Variants in KRCC1 observed in about 807,000 individuals in gnomAD.
KRCC1 encodes lysine rich coiled-coil 1.
A neutral mutation model predicts 7.4 loss-of-function variants in KRCC1; 3 were observed. The ratio of observed to expected loss-of-function variants is 0.40; its 90% CI spans 0.18 to 1.04. The LOEUF (loss-of-function observed/expected upper bound fraction) is 1.04. KRCC1 is among the 50% of genes least tolerant of loss of function. KRCC1 has a pLI of 0.33. For synonymous variants in KRCC1, 102 were observed against 101.6 expected (o/e 1.00, Z -0.02); for missense variants, 277 against 300.9 (o/e 0.92, Z 0.59).
At chr2:88,037,996 T>G (rs1673127261) in intron 1 of KRCC1, among the ~76,000 whole-genome samples, 1 of 152,210 alleles carries the variant, frequency 6.6e-6, no homozygotes, top group Admixed American at 6.5e-5. Context: ...TCATGTAACA[T>G]CAAAATTGTA....
intron 2 of KRCC1, among the ~76,000 whole-genome samples, chr2:88,034,702 A>G (rs921945987): frequency 1.3e-5 from 2 of 152,164 alleles, no homozygotes; most frequent in African/African-American, 2.4e-5. Context: ...TTGAATATAC[A>G]TGAACTATAG....
chr2:88,052,100 G>A (rs1223810740), intron 1 of KRCC1, among the ~76,000 whole-genome samples: 1 of 152,228 alleles, frequency 6.6e-6, no homozygotes, highest in Non-Finnish European at 1.5e-5. Context: ...CCCAATTGCA[G>A]GATAGCTGCA....
chr2:88,054,863 G>A (rs906128676), intron 1 of KRCC1, among the ~76,000 whole-genome samples: 2 of 152,200 alleles, frequency 1.3e-5, no homozygotes, highest in South Asian at 4.1e-4. Flanking sequence ...CAGCTACTCC[G>A]GAGGCTGAGG....
At chr2:88,041,354 G>T (rs966882885) in intron 1 of KRCC1, among the ~76,000 whole-genome samples, 1 of 152,160 alleles carries the variant, frequency 6.6e-6, no homozygotes, top group African/African-American at 2.4e-5. Flanking sequence ...TCCCCCAGAA[G>T]GAGAGAAGTA....
At chr2:88,037,729 G>A (rs963265110) in intron 1 of KRCC1, among the ~76,000 whole-genome samples, 2 of 152,120 alleles carry the variant, frequency 1.3e-5, no homozygotes, top group Non-Finnish European at 2.9e-5. Context: ...CTTAACCTGT[G>A]GTAGGCAACC....
chr2:88,049,812 A>G lies in KRCC1; in HGVS notation c.-291+5814T>C, dbSNP rs78102353. On this transcript the variant is annotated intron_variant, in intron 1 of 3. Transcript: ENST00000347055. ...GCAAGTCTGAAACTAACAAATAATCATTAATGTTTCTCCAGACACACTCTA... is the reference window on the plus strand; with the variant it reads ...GCAAGTCTGAAACTAACAAATAATCGTTAATGTTTCTCCAGACACACTCTA... Among the ~76,000 whole-genome samples, 1,523 of 152,360 alleles carry G rather than the reference A, an allele frequency of 1.0e-2. 43 individuals are homozygous for G. In the East Asian group the frequency reaches 0.11, roughly 11 times the overall value.
intron 1 of KRCC1, among the ~76,000 whole-genome samples, chr2:88,040,950 T>C (rs1385523065): frequency 6.6e-6 from 1 of 152,224 alleles, no homozygotes; most frequent in Non-Finnish European, 1.5e-5. Flanking sequence ...AAGGCATTTC[T>C]GCTTTAGATA....
chr2:88,045,594 A>T (rs572716843), intron 1 of KRCC1, among the ~76,000 whole-genome samples: 3 of 149,610 alleles, frequency 2.0e-5, no homozygotes, highest in African/African-American at 7.5e-5. Context: ...GTAAAGGGGC[A>T]TAAGTACTTT....
chr2:88,051,287 C>T (rs1673478450), intron 1 of KRCC1, among the ~76,000 whole-genome samples: 1 of 152,138 alleles, frequency 6.6e-6, no homozygotes, highest in African/African-American at 2.4e-5. Context: ...AGAGGAGTTC[C>T]TCAGAAGGAT....
At chr2:88,049,551 GGTGGGAGAATCAC>G (rs1171157643) in intron 1 of KRCC1, among the ~76,000 whole-genome samples, 1 of 152,220 alleles carries the variant, frequency 6.6e-6, no homozygotes, top group Non-Finnish European at 1.5e-5. Flanking sequence ...AGGAGGCTGA[GGTGGGAGAATCAC>G]CTGAGCCTGG....
In KRCC1 at chr2:88,028,149, G is replaced by A; in HGVS notation, c.415C>T (p.His139Tyr). ...SHGVEHRVYK[H>Y]FSSDNSTSTH... ...CTGGTACTGTTATCTGAGGAGAAGT[G>A]CTTGTAAACTCTATGTTCTACACCA... Residue 139 changes from histidine to tyrosine, a missense_variant, in exon 4 of 4, where the codon CAC (histidine) becomes TAC (tyrosine). His to Tyr is a moderately conservative substitution (Grantham distance 83). Coordinates refer to ENST00000347055, the MANE Select transcript of KRCC1 (RefSeq NM_016618.3). The A allele has an allele frequency of 1.2e-6, 2 of 1,614,050 alleles. No homozygotes were observed. The highest frequency in any genetic ancestry group is 4.5e-5 in the East Asian group (2 of 44,868).
chr2:88,053,338 T>G (rs1388025801), intron 1 of KRCC1, among the ~76,000 whole-genome samples: 1 of 152,266 alleles, frequency 6.6e-6, no homozygotes, highest in Non-Finnish European at 1.5e-5. Context: ...CTGTGTGAAC[T>G]GACATCTTTT....
chr2:88,040,088 G>A (rs942640236), intron 1 of KRCC1, among the ~76,000 whole-genome samples: 1 of 151,288 alleles, frequency 6.6e-6, no homozygotes, highest in Non-Finnish European at 1.5e-5. Flanking sequence ...CTGAGGACTA[G>A]TTATTTAGAA....
intron 1 of KRCC1, among the ~76,000 whole-genome samples, chr2:88,048,141 G>A (rs1482744955): frequency 6.6e-6 from 1 of 151,018 alleles, no homozygotes; most frequent in Admixed American, 6.6e-5. Flanking sequence ...GGGGTGCAGT[G>A]GTGGGATCTC....
intron 1 of KRCC1, among the ~76,000 whole-genome samples, chr2:88,044,447 GATAA>G (rs1358912113): frequency 5.9e-5 from 9 of 151,876 alleles, no homozygotes; most frequent in Non-Finnish European, 1.3e-4. Flanking sequence ...CAGAATATAG[GATAA>G]ATATTCTCAA....
At chr2:88,028,642 C>CTTTTTTTTTTTT (rs1419047999) in intron 3 of KRCC1, 57 bp from the exon 4 acceptor site, 1 of 676,798 alleles carries the variant, frequency 1.5e-6, no homozygotes, top group Admixed American at 4.6e-5. Context: ...ATTTCCTTTG[C>CTTTTTTTTTTTT]TCTTTTTTTT....
intron 1 of KRCC1, among the ~76,000 whole-genome samples, chr2:88,039,460 G>A (rs1395831758): frequency 2.0e-5 from 3 of 152,116 alleles, no homozygotes; most frequent in Non-Finnish European, 4.4e-5. Flanking sequence ...GCAGAGGCGG[G>A]CGGATTACTT....
Position 88,027,870 on chromosome 2 carries a change from G to C in KRCC1, c.694C>G (p.Arg232Gly). ...TCCTTTTTCTTTTTTGTACGCTTAC[G>C]TTCCTCTTTCTTAGAGACTACATCT... Reference protein sequence around the residue: ...SRDVVSKKEERKRTKKKKEQG... With the variant: ...SRDVVSKKEEGKRTKKKKEQG... Residue 232 changes from arginine (R) to glycine (G), a missense_variant, in exon 4 of 4, where the codon CGT (arginine) becomes GGT (glycine). Transcript: ENST00000347055. 6.2e-7 allele frequency: 1 copy of C among 1,613,230 alleles called. No homozygotes were observed. The highest frequency in any genetic ancestry group is 8.5e-7 in the Non-Finnish European group (1 of 1,179,870).
intron 1 of KRCC1, among the ~76,000 whole-genome samples, chr2:88,047,945 CCTCT>C (rs899726172): frequency 1.2e-4 from 19 of 152,292 alleles, no homozygotes; most frequent in African/African-American, 4.3e-4. Flanking sequence ...CTTACTTCTT[CCTCT>C]CTAATAAATA....
Sources: gnomAD v4.1 joint callset for allele counts (sites outside exome capture counted in the v4.1 genomes callset) on GRCh38, gnomAD v4.1.1 for gene constraint, MANE v1.5 for transcripts, NCBI Gene and HGNC (gene_info 2026-07-23, HGNC 2026-07-21) for gene names.